GLDN: variants seen among roughly 807,000 people sequenced by gnomAD.
GLDN encodes gliomedin, also known as collomin.
Under a neutral mutation model 56.5 loss-of-function variants are expected in GLDN, and 47 were observed. The observed-to-expected ratio is 0.83, with a 90% CI of 0.66 to 1.06. GLDN has a LOEUF of 1.06. Among genes scored for constraint, GLDN ranks in the 50% least tolerant of loss-of-function variants. The pLI is 0.00. For missense variants in GLDN, 782 were observed against 714.3 expected (o/e 1.09, Z -1.08); for synonymous variants, 332 against 278.8 (o/e 1.19, Z -1.90).
At chr15:51,351,108 A>T (rs182037205) in intron 1 of GLDN, 124 of 284,852 alleles carry the variant, frequency 4.4e-4, no homozygotes, top group African/African-American at 2.7e-3. Flanking sequence ...ACTTAAAATG[A>T]GATATCTTGG....
At chr15:51,362,672 A>G (rs2037324634) in intron 1 of GLDN, among the ~76,000 whole-genome samples, 2 of 152,052 alleles carry the variant, frequency 1.3e-5, no homozygotes, top group African/African-American at 4.8e-5. Flanking sequence ...ATTCTCAGTG[A>G]ATCACTCTGA....
intron 1 of GLDN, among the ~76,000 whole-genome samples, chr15:51,364,897 T>G (rs960840071): frequency 6.6e-6 from 1 of 152,218 alleles, no homozygotes; most frequent in African/African-American, 2.4e-5. Context: ...GAAATAGCCT[T>G]GAGTAAGTTC....
At chr15:51,382,594 C>G (rs548789733) in intron 2 of GLDN, among the ~76,000 whole-genome samples, 4 of 150,980 alleles carry the variant, frequency 2.6e-5, no homozygotes, top group African/African-American at 9.7e-5. Context: ...GGCGTGGTGG[C>G]GGGTGCCTGT....
At chr15:51,412,089 T>C (rs1234112931), downstream of GLDN, among the ~76,000 whole-genome samples, 1 of 152,254 alleles carries the variant, frequency 6.6e-6, no homozygotes, top group Non-Finnish European at 1.5e-5. Flanking sequence ...TGCTAAATGC[T>C]TCAAGTGTGT....
In GLDN at chr15:51,397,525, T is replaced by G. The variant is rs1458717804; in HGVS notation, c.744T>G (p.Gly248=). ...PGPPGPPGPP[G]PPGPPGSRRA... is the part of the protein sequence containing the mutation. ...CACCTGGGCCCCCAGGCCCTCCAGG[T>G]CCTCCAGGGCCCCCTGGAAGCAGAA... is the stretch of plus-strand genomic sequence containing the variant. The change falls in exon 6 of 10, where the codon GGT becomes GGG. Residue 248 remains glycine (G), a synonymous_variant. Coordinates refer to ENST00000335449, the MANE Select transcript of GLDN (RefSeq NM_181789.4). 3.1e-6 allele frequency: 5 copies of G among 1,598,036 alleles called. No individual in the cohort carries two copies. In the South Asian group the frequency reaches 4.5e-5, roughly 14 times the overall value.
At chr15:51,403,634 G>T (rs1049947297) in intron 9 of GLDN, among the ~76,000 whole-genome samples, 1 of 152,152 alleles carries the variant, frequency 6.6e-6, no homozygotes, top group African/African-American at 2.4e-5. Context: ...AATGTATCCA[G>T]CCACTTACTT....
At chr15:51,410,565 G>A (rs1478492032), downstream of GLDN, among the ~76,000 whole-genome samples, 1 of 152,068 alleles carries the variant, frequency 6.6e-6, no homozygotes, top group Non-Finnish European at 1.5e-5. Context: ...CCTGCTTCTG[G>A]CACCTCCTTT....
chr15:51,395,333 G>A (rs1377964712), intron 5 of GLDN, among the ~76,000 whole-genome samples: 17 of 152,208 alleles, frequency 1.1e-4, no homozygotes, highest in Non-Finnish European at 1.5e-5. Flanking sequence ...CTGACAGGAA[G>A]CACAAGCGTT....
At chr15:51,362,643 G>A (rs12908001) in intron 1 of GLDN, among the ~76,000 whole-genome samples, 43 of 152,224 alleles carry the variant, frequency 2.8e-4, no homozygotes, top group African/African-American at 9.9e-4. Context: ...GGGAAGAAGA[G>A]TGACATGATC....
downstream of GLDN, among the ~76,000 whole-genome samples, chr15:51,409,038 G>T (rs1400237337): frequency 6.9e-6 from 1 of 145,126 alleles, no homozygotes; most frequent in Admixed American, 6.8e-5. Context: ...TGCAGCCCTA[G>T]ATAAGGCCAT....
rs143806127 is a variant in GLDN, at chr15:51,376,594, TA to T, written c.364-851del. 2.2e-3 allele frequency among the ~76,000 whole-genome samples: 336 copies of T among 152,382 alleles called. 1 individual carries two copies. Among genetic ancestry groups the T allele is most frequent in the African/African-American group, 7.9e-3 (328 of 41,592 alleles). On this transcript the variant is annotated intron_variant, in intron 1 of 9. Coordinates refer to ENST00000335449, the MANE Select transcript of GLDN (RefSeq NM_181789.4). ...AGCTTACTGTGACATGTTTACTTTA[TA>T]AAATTTTAATGTCTTTTACTTTTTG...
rs1017957048 is a variant in GLDN, at chr15:51,404,817, C to G, written c.*63C>G. On this transcript the variant is annotated 3_prime_UTR_variant, in exon 10 of 10. Transcript: ENST00000335449. Reference sequence around the variant, plus strand: ...TTTTCTGGGACCAGTTCTCCCCCAACAGGAAACTTGTTTTTTTAACGTCAG... The same window carrying G: ...TTTTCTGGGACCAGTTCTCCCCCAAGAGGAAACTTGTTTTTTTAACGTCAG... 10 of 822,290 alleles carry G rather than the reference C, an allele frequency of 1.2e-5. No individual in the cohort carries two copies. The highest frequency in any genetic ancestry group is 2.3e-5 in the Admixed American group (1 of 43,792). 50.9% of individuals were successfully genotyped at this position (822,290 alleles called of 1,614,324 possible).
intron 1 of GLDN, among the ~76,000 whole-genome samples, chr15:51,345,097 A>T (rs2036954924): frequency 6.6e-6 from 1 of 152,150 alleles, no homozygotes; most frequent in South Asian, 2.1e-4. Context: ...CTCCTGTGGG[A>T]GATGCTACTT....
chr15:51,409,725 G>A (rs1595847020), downstream of GLDN, among the ~76,000 whole-genome samples: 2 of 152,174 alleles, frequency 1.3e-5, no homozygotes, highest in East Asian at 3.9e-4. Context: ...TAAAGTCTAG[G>A]AAAGTGAGAC....
At chr15:51,365,465 T>A (rs535557315) in intron 1 of GLDN, among the ~76,000 whole-genome samples, 2 of 152,330 alleles carry the variant, frequency 1.3e-5, no homozygotes, top group African/African-American at 4.8e-5. Context: ...GCATTAGGTA[T>A]GTGTTTCAAA....
At chr15:51,402,567 A>G (rs2038278327) in intron 9 of GLDN, among the ~76,000 whole-genome samples, 1 of 152,208 alleles carries the variant, frequency 6.6e-6, no homozygotes, top group Admixed American at 6.5e-5. Flanking sequence ...CTCTTCCACT[A>G]TCTGAAACAG....
downstream of GLDN, among the ~76,000 whole-genome samples, chr15:51,410,170 C>T (rs911193754): frequency 6.6e-6 from 1 of 152,236 alleles, no homozygotes; most frequent in Non-Finnish European, 1.5e-5. Flanking sequence ...CGTGATTTCA[C>T]TCAATCATGC....
At position 51,404,841 on chromosome 15, in the gene GLDN, A is replaced by G. The variant is rs1218398026; in HGVS notation, c.*87A>G. ...ACAGGAAACTTGTTTTTTTAACGTC[A>G]GCCAGATATTTAGAAAATAACCTCA... On this transcript the variant is annotated 3_prime_UTR_variant, in exon 10 of 10. Transcript: ENST00000335449. 1.4e-6 allele frequency: 1 copy of G among 711,950 alleles called. No individual in the cohort carries two copies. Among genetic ancestry groups the G allele is most frequent in the African/African-American group, 1.8e-5 (1 of 56,558 alleles). The allele number at this position is 711,950 out of a possible 1,614,324, so 44.1% of individuals were successfully genotyped here.
chr15:51,394,708 GT>G, intron 4 of GLDN, 126 bp from the exon 5 acceptor site: 1 of 838,198 alleles, frequency 1.2e-6, no homozygotes, highest in Non-Finnish European at 1.9e-6. Context: ...CTCTAAAATG[GT>G]TATGAAATGC....
Sources: gnomAD v4.1 joint callset for allele counts (sites outside exome capture counted in the v4.1 genomes callset) on GRCh38, gnomAD v4.1.1 for gene constraint, MANE v1.5 for transcripts, NCBI Gene and HGNC (gene_info 2026-07-23, HGNC 2026-07-21) for gene names.